Variants in EEF2K observed in about 807,000 individuals in gnomAD.
EEF2K encodes eukaryotic elongation factor 2 kinase, also known as alternative protein EEF2K.
Under a neutral mutation model 93.8 loss-of-function variants are expected in EEF2K, and 70 were observed. The observed-to-expected ratio is 0.75, with a 90% CI of 0.62 to 0.91. The LOEUF (loss-of-function observed/expected upper bound fraction) is 0.91, where lower values mean the gene tolerates loss of function less well. Among genes scored for constraint, EEF2K ranks in the 40% least tolerant of loss-of-function variants. The pLI, the probability that EEF2K is intolerant of heterozygous loss-of-function variation, is 0.00. For missense variants in EEF2K, 935 were observed against 972.9 expected (o/e 0.96, Z 0.52); for synonymous variants, 376 against 380.8 (o/e 0.99, Z 0.15).
Position 22,284,041 on chromosome 16 carries a change from G to T in EEF2K, c.*45G>T, listed in dbSNP as rs1332190468. The T allele has an allele frequency of 4.0e-6, 6 of 1,487,284 alleles. No individual in the cohort carries two copies. The Admixed American group carries it at 1.3e-4, about 32-fold the overall frequency. The allele number at this position is 1,487,284 out of a possible 1,614,324, so 92.1% of individuals were successfully genotyped here. On this transcript the variant is annotated 3_prime_UTR_variant, in exon 18 of 18. Coordinates refer to ENST00000263026, the MANE Select transcript of EEF2K (RefSeq NM_013302.5). The stretch of plus-strand genomic sequence containing the variant: ...CTAGTCCCAAGCAAACGGGCTAGGA[G>T]GAAAGATTAAAAAAACAACAACAAC...
intron 6 of EEF2K, among the ~76,000 whole-genome samples, chr16:22,251,803 A>T (rs1378485320): frequency 6.6e-6 from 1 of 150,938 alleles, no homozygotes; most frequent in East Asian, 2.0e-4. Flanking sequence ...TTTTATTTTT[A>T]TTTTTTTTGA....
At chr16:22,283,308 C>CAAAAAA (rs10540234) in intron 17 of EEF2K, among the ~76,000 whole-genome samples, 98 of 75,540 alleles carry the variant, frequency 1.3e-3, no homozygotes, top group Non-Finnish European at 2.1e-3. Flanking sequence ...GACTCCATCT[C>CAAAAAA]AAAAAAAAAA....
At chr16:22,233,842 C>T (rs537050156) in intron 2 of EEF2K, among the ~76,000 whole-genome samples, 1 of 152,300 alleles carries the variant, frequency 6.6e-6, no homozygotes, top group South Asian at 2.1e-4. Context: ...GCATTGAAAT[C>T]CTGGGCTCAA....
At chr16:22,264,742 C>A in intron 12 of EEF2K, 76 bp from the exon 13 acceptor site, 1 of 1,560,492 alleles carries the variant, frequency 6.4e-7, no homozygotes, top group Non-Finnish European at 8.8e-7. Flanking sequence ...GGGAGGAGGG[C>A]TGGACCAGCT....
chr16:22,256,948 G>T lies in EEF2K; in HGVS notation c.768+51G>T, dbSNP rs370405790. On this transcript the variant is annotated intron_variant, in intron 7 of 17. Coordinates refer to ENST00000263026, the MANE Select transcript of EEF2K (RefSeq NM_013302.5). ...CTGCCCACCACAGCCCTTGGGGTGAGATCCTGGCCAGGCTCAGCCCCTAAA... is the reference window on the plus strand; with the variant it reads ...CTGCCCACCACAGCCCTTGGGGTGATATCCTGGCCAGGCTCAGCCCCTAAA... 9 of 1,605,774 alleles carry T rather than the reference G, an allele frequency of 5.6e-6. No homozygotes were observed. The African/African-American group carries it at 1.2e-4, about 21-fold the overall frequency.
intron 2 of EEF2K, among the ~76,000 whole-genome samples, chr16:22,238,321 C>T (rs1383705172): frequency 8.6e-5 from 13 of 152,014 alleles, no homozygotes; most frequent in East Asian, 1.9e-4. Flanking sequence ...AAAGATCACC[C>T]GTGCTAGCAT....
intron 3 of EEF2K, among the ~76,000 whole-genome samples, chr16:22,247,115 C>T (rs1482801510): frequency 6.7e-6 from 1 of 149,966 alleles, no homozygotes; most frequent in East Asian, 2.0e-4. Flanking sequence ...AACTAGAACC[C>T]CTTTTTCCCA....
At chr16:22,218,414 C>T (rs1367299501) in intron 1 of EEF2K, among the ~76,000 whole-genome samples, 1 of 152,176 alleles carries the variant, frequency 6.6e-6, no homozygotes, top group Non-Finnish European at 1.5e-5. Context: ...AAGATTCCAC[C>T]TGCTTTCTAT....
intron 15 of EEF2K, among the ~76,000 whole-genome samples, chr16:22,267,563 C>G (rs916596950): frequency 4.6e-5 from 7 of 151,426 alleles, no homozygotes; most frequent in Admixed American, 4.6e-4. Context: ...CTACTGCACT[C>G]TAGCCTGGGC....
At chr16:22,247,037 CAAAAAA>C (rs57073413) in intron 3 of EEF2K, among the ~76,000 whole-genome samples, 15 of 13,686 alleles carry the variant, frequency 1.1e-3, no homozygotes, top group South Asian at 8.4e-3. Context: ...GACTCCATCT[CAAAAAA>C]AAAAAAAAAA....
chr16:22,220,575 C>T (rs1245431151), intron 1 of EEF2K, among the ~76,000 whole-genome samples: 1 of 152,184 alleles, frequency 6.6e-6, no homozygotes, highest in Admixed American at 6.5e-5. Context: ...TCCTGAGTAG[C>T]TGGGACTACA....
At chr16:22,280,066 A>G (rs1243566205) in intron 16 of EEF2K, 132 bp from the exon 17 acceptor site, 7 of 807,332 alleles carry the variant, frequency 8.7e-6, no homozygotes, top group Non-Finnish European at 1.1e-5. Context: ...TTGGCCTTGG[A>G]CAAGATAGGT....
In EEF2K at chr16:22,284,011, G is replaced by A. The variant is rs1391055662; in HGVS notation, c.*15G>A. 6.4e-7 allele frequency: 1 copy of A among 1,559,520 alleles called. No individual in the cohort carries two copies. Among genetic ancestry groups the A allele is most frequent in the East Asian group, 2.4e-5 (1 of 42,028 alleles). The stretch of plus-strand genomic sequence containing the variant: ...TGGAGGAGTAACCAGGAAAATCACT[G>A]CCGGCTAGTCCCAAGCAAACGGGCT... On this transcript the variant is annotated 3_prime_UTR_variant, in exon 18 of 18. Coordinates refer to ENST00000263026, the MANE Select transcript of EEF2K (RefSeq NM_013302.5).
intron 2 of EEF2K, among the ~76,000 whole-genome samples, chr16:22,230,514 T>C (rs966633750): frequency 1.3e-5 from 2 of 151,648 alleles, no homozygotes; most frequent in African/African-American, 4.8e-5. Flanking sequence ...ATGCCCAGCC[T>C]TTTCTTCTTC....
intron 9 of EEF2K, 132 bp downstream of exon 9, chr16:22,257,902 T>C: frequency 7.2e-7 from 1 of 1,382,636 alleles, no homozygotes; most frequent in Non-Finnish European, 9.8e-7. Flanking sequence ...TGGAAGCATC[T>C]GTCCCATCCA....
In EEF2K at chr16:22,280,383, C is replaced by T. The variant is rs2047681741; in HGVS notation, c.2068+7C>T. ...AAGGACCCGCAGAGATCAGGTAGGG[C>T]CTGGCAGACCTGCCCCTGGGCTGCA... On this transcript the variant is annotated splice_region_variant and intron_variant, in intron 17 of 17. Transcript: ENST00000263026. 2 of 1,494,474 alleles carry T rather than the reference C, an allele frequency of 1.3e-6. No individual in the cohort carries two copies. Among genetic ancestry groups the T allele is most frequent in the Admixed American group, 2.2e-5 (1 of 45,200 alleles). The allele number at this position is 1,494,474 out of a possible 1,614,324, so 92.6% of individuals were successfully genotyped here. A position where few individuals can be genotyped will look rare whatever the true frequency, so the allele number is the denominator to read the frequency against.
At chr16:22,238,839 A>G (rs551402959) in intron 2 of EEF2K, among the ~76,000 whole-genome samples, 1 of 152,166 alleles carries the variant, frequency 6.6e-6, no homozygotes, top group Non-Finnish European at 1.5e-5. Flanking sequence ...CCTGATGGTA[A>G]CATTACTGGT....
At chr16:22,210,545 G>A (rs2046905337) in intron 1 of EEF2K, among the ~76,000 whole-genome samples, 1 of 152,178 alleles carries the variant, frequency 6.6e-6, no homozygotes, top group Admixed American at 6.5e-5. Flanking sequence ...AGAAGCGCTG[G>A]TTAAGGAAGT....
intron 6 of EEF2K, among the ~76,000 whole-genome samples, chr16:22,253,870 G>T (rs1352732650): frequency 1.3e-5 from 2 of 151,790 alleles, no homozygotes; most frequent in African/African-American, 4.8e-5. Flanking sequence ...AGGCTGAAGT[G>T]GGCGGATCAC....
Sources: allele counts gnomAD v4.1 joint callset (sites outside exome capture counted in the v4.1 genomes callset), GRCh38; gene constraint gnomAD v4.1.1; transcripts MANE v1.5; gene names NCBI Gene and HGNC (gene_info 2026-07-23, HGNC 2026-07-21).